CHCHD3: variants seen among roughly 807,000 people sequenced by gnomAD.
CHCHD3 encodes MICOS complex subunit MIC19.
CHCHD3 carries 20 observed loss-of-function variants against 38.2 expected under a neutral mutation model. The observed-to-expected ratio is 0.52, with a 90% CI of 0.37 to 0.76. CHCHD3 has a LOEUF of 0.76. Ranked by LOEUF, CHCHD3 falls within the 30% of genes least tolerant of loss-of-function variation. The probability of loss-of-function intolerance (pLI) is 0.00; values close to 1 mark genes in which losing one functional copy is unlikely to be tolerated. For missense variants in CHCHD3, 245 were observed against 279.2 expected, an observed-to-expected ratio of 0.88 and a Z score of 0.87; for synonymous variants, 82 against 100.0, an observed-to-expected ratio of 0.82 and a Z score of 1.07.
intron 5 of CHCHD3, among the ~76,000 whole-genome samples, chr7:132,863,288 C>G (rs920269854): frequency 1.3e-5 from 2 of 152,202 alleles, no homozygotes; most frequent in Non-Finnish European, 2.9e-5. Context: ...TCTCCCTGTA[C>G]ATCTCCATCA....
At chr7:132,873,756 TATCATC>T (rs10615808) in intron 5 of CHCHD3, among the ~76,000 whole-genome samples, 1 of 151,672 alleles carries the variant, frequency 6.6e-6, no homozygotes, top group Admixed American at 6.6e-5. Context: ...ATAAAATTGA[TATCATC>T]ATCATCATCA....
intron 5 of CHCHD3, among the ~76,000 whole-genome samples, chr7:132,868,883 C>G (rs1445854546): frequency 6.6e-6 from 1 of 152,120 alleles, no homozygotes; most frequent in Non-Finnish European, 1.5e-5. Flanking sequence ...CTCTTGCCCA[C>G]CACAGCCTGG....
chr7:132,898,952 C>G (rs1389390242), intron 4 of CHCHD3, among the ~76,000 whole-genome samples: 2 of 152,208 alleles, frequency 1.3e-5, no homozygotes, highest in African/African-American at 4.8e-5. Flanking sequence ...GGCCTGCAAG[C>G]GCCGCACACA....
At chr7:132,963,882 AT>A (rs1811393487) in intron 4 of CHCHD3, among the ~76,000 whole-genome samples, 1 of 152,210 alleles carries the variant, frequency 6.6e-6, no homozygotes, top group Non-Finnish European at 1.5e-5. Flanking sequence ...TGAGATAATT[AT>A]TCTTGGAAGT....
chr7:132,805,205 A>C (rs1806884554), intron 6 of CHCHD3, among the ~76,000 whole-genome samples: 1 of 152,184 alleles, frequency 6.6e-6, no homozygotes, highest in African/African-American at 2.4e-5. Context: ...AGAAACATAC[A>C]CACTCATAAA....
At chr7:132,844,416 T>C (rs887912133) in intron 5 of CHCHD3, among the ~76,000 whole-genome samples, 1 of 152,226 alleles carries the variant, frequency 6.6e-6, no homozygotes, top group Non-Finnish European at 1.5e-5. Context: ...TCTGTGCCTA[T>C]AAGGTCCTTT....
At position 132,785,446 on chromosome 7, in the gene CHCHD3, C is replaced by T; in HGVS notation, c.*191G>A. 3.2e-6 allele frequency: 2 copies of T among 630,880 alleles called. No homozygotes were observed. The highest frequency in any genetic ancestry group is 2.8e-6 in the Non-Finnish European group (1 of 350,998). The allele number at this position is 630,880 out of a possible 1,614,324, so 39.1% of individuals were successfully genotyped here. ...TGTCCTTTAATGACTGATCCCTGAT[C>T]AAGGCTTTGGCCCTTCAAACTGCTG... On this transcript the variant is annotated 3_prime_UTR_variant, in exon 8 of 8. Transcript: ENST00000262570.
intron 4 of CHCHD3, among the ~76,000 whole-genome samples, chr7:132,957,221 A>C (rs1811198712): frequency 6.6e-6 from 1 of 152,230 alleles, no homozygotes. Flanking sequence ...GAAAAGGTAG[A>C]GATTAGATAG....
chr7:132,856,774 TTC>T (rs1269260333), intron 5 of CHCHD3, among the ~76,000 whole-genome samples: 2 of 152,202 alleles, frequency 1.3e-5, no homozygotes. Context: ...CCTGAATTCT[TTC>T]TCTCATCATT....
At position 132,949,926 on chromosome 7, in the gene CHCHD3, T is replaced by C. The variant is rs190735172; in HGVS notation, c.369+25243A>G. On this transcript the variant is annotated intron_variant, in intron 4 of 7. Coordinates refer to ENST00000262570, the MANE Select transcript of CHCHD3 (RefSeq NM_017812.4). ...AAGTTAGAAGCTCTGGCCCTTCCAA[T>C]GGTCAGCTGTATAAACCTGACCACA... is the stretch of plus-strand genomic sequence containing the variant. 4.6e-5 allele frequency among the ~76,000 whole-genome samples: 7 copies of C among 152,312 alleles called. No homozygotes were observed. The East Asian group carries it at 1.2e-3, about 25-fold the overall frequency.
chr7:132,824,266 G>A (rs919043219), intron 6 of CHCHD3, among the ~76,000 whole-genome samples: 1 of 151,314 alleles, frequency 6.6e-6, no homozygotes, highest in Admixed American at 6.6e-5. Context: ...GACAATTATG[G>A]GGACCAGGGA....
rs1813656110 is a variant in CHCHD3 at position 133,035,766 on chromosome 7, T to C, written c.170-11139A>G. Reference sequence around the variant, plus strand: ...TGCTGGGACCTTGCCGGCAGGAAATTTGCGAAGAAATTCAGAGGTGCGGTT... The same window carrying C: ...TGCTGGGACCTTGCCGGCAGGAAATCTGCGAAGAAATTCAGAGGTGCGGTT... On this transcript the variant is annotated intron_variant, in intron 2 of 7. Coordinates refer to ENST00000262570, the MANE Select transcript of CHCHD3 (RefSeq NM_017812.4). This position sits in a 1 kb window ranked among gnomAD's most constrained non-coding sequence, Gnocchi z 4.7. 1.9e-5 allele frequency: 31 copies of C among 1,613,188 alleles called. No individual in the cohort carries two copies. Among genetic ancestry groups the C allele is most frequent in the Non-Finnish European group, 2.5e-5 (29 of 1,179,328 alleles).
Position 132,869,009 on chromosome 7 carries a change from A to C in CHCHD3, c.453+16653T>G, listed in dbSNP as rs114388780. ...ACTTACTCGATGTTAACAACAACAA[A>C]AAAAAACTGACCCAAAATGCATCAC... On this transcript the variant is annotated intron_variant, in intron 5 of 7. Transcript: ENST00000262570. Among the ~76,000 whole-genome samples, 1,314 of 152,310 alleles carry C rather than the reference A, an allele frequency of 8.6e-3. 26 individuals are homozygous for C. The highest frequency in any genetic ancestry group is 0.03 in the African/African-American group (1,231 of 41,570).
intron 3 of CHCHD3, among the ~76,000 whole-genome samples, chr7:132,990,243 C>T (rs1812239410): frequency 6.6e-6 from 1 of 152,158 alleles, no homozygotes; most frequent in African/African-American, 2.4e-5. Flanking sequence ...TGACCTATTA[C>T]TATTGTTTAG....
chr7:132,838,338 T>C, intron 6 of CHCHD3, 61 bp downstream of exon 6: 1 of 1,173,122 alleles, frequency 8.5e-7, no homozygotes, highest in Non-Finnish European at 1.3e-6. Context: ...CAAAAAGCAC[T>C]AAAACTGTGC....
At chr7:133,004,468 T>C (rs1584636190) in intron 3 of CHCHD3, among the ~76,000 whole-genome samples, 1 of 152,172 alleles carries the variant, frequency 6.6e-6, no homozygotes, top group African/African-American at 2.4e-5. Flanking sequence ...AGCTAGCTTG[T>C]AAGTAAAGGT....
At chr7:132,840,076 G>A (rs150604879) in intron 5 of CHCHD3, among the ~76,000 whole-genome samples, 48 of 152,286 alleles carry the variant, frequency 3.2e-4, no homozygotes, top group African/African-American at 7.2e-4. Context: ...TCTATATGCC[G>A]AGAGGTTTTA....
chr7:133,018,875 C>CTCTTTTTT (rs769011540), intron 3 of CHCHD3, among the ~76,000 whole-genome samples: 4 of 70,150 alleles, frequency 5.7e-5, no homozygotes, highest in African/African-American at 2.3e-4. Flanking sequence ...CATGATTTCT[C>CTCTTTTTT]TTTTTTTTTT....
At chr7:133,021,123 T>C (rs1813167226) in intron 3 of CHCHD3, among the ~76,000 whole-genome samples, 1 of 152,224 alleles carries the variant, frequency 6.6e-6, no homozygotes, top group Non-Finnish European at 1.5e-5. Flanking sequence ...GATCAAATGC[T>C]CTCCCAGCTG....
Sources: gnomAD v4.1 joint callset for allele counts (sites outside exome capture counted in the v4.1 genomes callset) on GRCh38, gnomAD v4.1.1 for gene constraint, Gnocchi (gnomAD v3.1) non-coding constraint, MANE v1.5 for transcripts, NCBI Gene and HGNC (gene_info 2026-07-23, HGNC 2026-07-21) for gene names.